The following SDCCAG8 variants were observed in gnomAD, a reference collection of about 807,000 sequenced individuals.
The protein encoded by SDCCAG8 is SHH signaling and ciliogenesis regulator SDCCAG8, also known as serologically defined colon cancer antigen 8.
Under a neutral mutation model 101.8 loss-of-function variants are expected in SDCCAG8, and 74 were observed. The observed-to-expected ratio is 0.73, with a 90% CI of 0.60 to 0.88. SDCCAG8 has a LOEUF of 0.88. SDCCAG8 is among the 40% of genes least tolerant of loss of function. The pLI is 0.00. For synonymous variants in SDCCAG8, 281 were observed against 292.9 expected (o/e 0.96, Z 0.41); for missense variants, 787 against 822.6 (o/e 0.96, Z 0.53).
intron 13 of SDCCAG8, among the ~76,000 whole-genome samples, chr1:243,413,176 AGTT>A (rs2080302404): frequency 6.6e-6 from 1 of 152,172 alleles, no homozygotes; most frequent in African/African-American, 2.4e-5. Flanking sequence ...TTATGACAGT[AGTT>A]CTTTTCTATA....
chr1:243,351,190 A>C (rs1423745645), intron 12 of SDCCAG8, among the ~76,000 whole-genome samples: 1 of 152,174 alleles, frequency 6.6e-6, no homozygotes, highest in Non-Finnish European at 1.5e-5. Context: ...CCTTTGGTAC[A>C]TGTAATCACT....
chr1:243,492,295 C>CATTT (rs1666652943), intron 17 of SDCCAG8, among the ~76,000 whole-genome samples: 1 of 63,124 alleles, frequency 1.6e-5, no homozygotes, highest in African/African-American at 6.7e-5. Context: ...CGTTTCTTGG[C>CATTT]TTTTTTTTTT....
At chr1:243,312,809 A>T (rs2072877868) in intron 8 of SDCCAG8, among the ~76,000 whole-genome samples, 1 of 151,924 alleles carries the variant, frequency 6.6e-6, no homozygotes, top group South Asian at 2.1e-4. Context: ...GTTTCTTAGG[A>T]CTCAAGGACT....
intron 16 of SDCCAG8, among the ~76,000 whole-genome samples, chr1:243,444,345 G>A (rs1276565031): frequency 6.6e-6 from 1 of 151,086 alleles, no homozygotes; most frequent in African/African-American, 2.4e-5. Context: ...TTCTGTTGCG[G>A]CACTAAAGTT....
intron 16 of SDCCAG8, among the ~76,000 whole-genome samples, chr1:243,431,736 G>A (rs2081781949): frequency 6.6e-6 from 1 of 152,008 alleles, no homozygotes; most frequent in African/African-American, 2.4e-5. Context: ...AAATCCCCCA[G>A]TGTATACAGA....
At position 243,426,650 on chromosome 1, in the gene SDCCAG8, C is replaced by T; in HGVS notation, c.1985+92C>T. On this transcript the variant is annotated intron_variant, in intron 16 of 17. Transcript: ENST00000366541. ...GAATTGCTGCGGAATAAGTAGAATTCATCATCATTATGCTACTTGTGACAT... is the reference window on the plus strand; with the variant it reads ...GAATTGCTGCGGAATAAGTAGAATTTATCATCATTATGCTACTTGTGACAT... The T allele has an allele frequency of 3.4e-6, 5 of 1,456,254 alleles. No individual in the cohort carries two copies. In the South Asian group the frequency reaches 4.6e-5, roughly 13 times the overall value. 90.2% of individuals were successfully genotyped at this position (1,456,254 alleles called of 1,614,324 possible).
intron 13 of SDCCAG8, among the ~76,000 whole-genome samples, chr1:243,405,085 G>A (rs1573857318): frequency 6.6e-6 from 1 of 151,976 alleles, no homozygotes; most frequent in South Asian, 2.1e-4. Flanking sequence ...AGGCTGGTCT[G>A]GAACTCCTGA....
At chr1:243,384,735 G>T (rs1197827867) in intron 13 of SDCCAG8, among the ~76,000 whole-genome samples, 3 of 151,992 alleles carry the variant, frequency 2.0e-5, no homozygotes, top group Non-Finnish European at 4.4e-5. Context: ...TTGAGCCCAG[G>T]AGTTCAAGGC....
intron 13 of SDCCAG8, among the ~76,000 whole-genome samples, chr1:243,402,194 G>A (rs541740808): frequency 2.0e-5 from 3 of 152,094 alleles, no homozygotes; most frequent in Admixed American, 6.5e-5. Flanking sequence ...TTAGGAGGCC[G>A]AGGTGGGCAG....
At chr1:243,269,950 G>T in intron 1 of SDCCAG8, 155 bp from the exon 2 acceptor site, 1 of 990,732 alleles carries the variant, frequency 1.0e-6, no homozygotes, top group Non-Finnish European at 1.5e-6. Context: ...ACCATCTTTG[G>T]CACATCCCTC....
At chr1:243,372,896 C>A (rs2077372352) in intron 12 of SDCCAG8, among the ~76,000 whole-genome samples, 1 of 135,788 alleles carries the variant, frequency 7.4e-6, no homozygotes, top group South Asian at 2.4e-4. Flanking sequence ...TACTTGGGAA[C>A]CATATCTATA....
At chr1:243,492,295 CTTTTTTT>C (rs33950392) in intron 17 of SDCCAG8, among the ~76,000 whole-genome samples, 5 of 63,130 alleles carry the variant, frequency 7.9e-5, no homozygotes, top group Non-Finnish European at 1.3e-4. Context: ...CGTTTCTTGG[CTTTTTTT>C]TTTTTTTTTT....
intron 6 of SDCCAG8, among the ~76,000 whole-genome samples, chr1:243,294,359 A>G (rs2070578180): frequency 6.6e-6 from 1 of 151,996 alleles, no homozygotes; most frequent in South Asian, 2.1e-4. Context: ...ACTATTCCAT[A>G]TCGTGTGATT....
intron 13 of SDCCAG8, among the ~76,000 whole-genome samples, chr1:243,392,329 T>A (rs2078754069): frequency 6.6e-6 from 1 of 152,212 alleles, no homozygotes; most frequent in Non-Finnish European, 1.5e-5. Flanking sequence ...TAATATATTG[T>A]TCTTTCTACA....
rs1422831676 is a variant in SDCCAG8 at position 243,378,621 on chromosome 1, T to G, written c.1474-100T>G. The G allele has an allele frequency of 2.3e-6, 3 of 1,317,336 alleles. No homozygotes were observed. In the African/African-American group the frequency reaches 4.4e-5, roughly 20 times the overall value. 81.6% of individuals were successfully genotyped at this position (1,317,336 alleles called of 1,614,324 possible). On this transcript the variant is annotated intron_variant, in intron 12 of 17. Coordinates refer to ENST00000366541, the MANE Select transcript of SDCCAG8 (RefSeq NM_006642.5). ...TAGCCTAAATTTTCTAATAATTTTT[T>G]ATCAAATTGAAATTCATGGCAAAAA...
intron 16 of SDCCAG8, 86 bp from the exon 17 acceptor site, chr1:243,488,928 G>T: frequency 6.3e-7 from 1 of 1,598,038 alleles, no homozygotes; most frequent in South Asian, 1.1e-5. Flanking sequence ...TCCCTATCAG[G>T]GGCTTCCCTC....
chr1:243,312,799 G>T (rs1293548926), intron 8 of SDCCAG8, among the ~76,000 whole-genome samples: 1 of 152,084 alleles, frequency 6.6e-6, no homozygotes, highest in African/African-American at 2.4e-5. Flanking sequence ...GTTTCTGGTG[G>T]TTTCTTAGGA....
intron 16 of SDCCAG8, 50 bp from the exon 17 acceptor site, chr1:243,488,964 T>A: frequency 6.2e-7 from 1 of 1,612,726 alleles, no homozygotes; most frequent in African/African-American, 1.3e-5. Context: ...CTGGGCCTGT[T>A]GAAAGGCTGA....
intron 12 of SDCCAG8, among the ~76,000 whole-genome samples, chr1:243,348,026 T>C (rs2075824060): frequency 6.7e-6 from 1 of 149,642 alleles, no homozygotes; most frequent in Non-Finnish European, 1.5e-5. Context: ...ACATGCATTT[T>C]TTTTTTTTTT....
Sources: allele counts gnomAD v4.1 joint callset (sites outside exome capture counted in the v4.1 genomes callset), GRCh38; gene constraint gnomAD v4.1.1; transcripts MANE v1.5; gene names NCBI Gene and HGNC (gene_info 2026-07-23, HGNC 2026-07-21).